The following IQSEC1 variants were observed in gnomAD, a reference collection of about 807,000 sequenced individuals.
IQSEC1 encodes IQ motif and SEC7 domain-containing protein 1.
Under a neutral mutation model 91.0 loss-of-function variants are expected in IQSEC1, and 31 were observed. The ratio of observed to expected loss-of-function variants is 0.34; its 90% CI spans 0.26 to 0.46. The LOEUF is 0.46. Ranked by LOEUF, IQSEC1 falls within the 20% of genes least tolerant of loss-of-function variation. The pLI is 1.00. For synonymous variants in IQSEC1, 699 were observed against 662.6 expected, an observed-to-expected ratio of 1.05 and a Z score of -0.84; for missense variants, 1,388 against 1,575.6, an observed-to-expected ratio of 0.88 and a Z score of 2.02.
At chr3:12,912,006 G>C (rs1695607517) in intron 9 of IQSEC1, among the ~76,000 whole-genome samples, 3 of 152,256 alleles carry the variant, frequency 2.0e-5, no homozygotes, top group South Asian at 2.1e-4. Context: ...CTCACAGCCA[G>C]GTGAGGTGTA....
chr3:13,259,261 T>C lies in IQSEC1; in HGVS notation c.272+23450A>G, dbSNP rs964990171. Among the ~76,000 whole-genome samples the C allele has an allele frequency of 3.3e-5, 5 of 152,148 alleles. No individual in the cohort carries two copies. The highest frequency in any genetic ancestry group is 1.2e-4 in the African/African-American group (5 of 41,436). On this transcript the variant is annotated intron_variant, in intron 1 of 15. Coordinates refer to the IQSEC1 transcript ENST00000648114. This position sits in a 1 kb window ranked among gnomAD's most constrained non-coding sequence, Gnocchi z 4.6. ...ACAAGAGGAAGTGCTCTGTAAATAG[T>C]TGATGGGTGTTCTAATGAATGAAGA... is the stretch of plus-strand genomic sequence containing the variant.
At chr3:13,165,943 C>T (rs1359170486) in intron 1 of IQSEC1, among the ~76,000 whole-genome samples, 1 of 152,192 alleles carries the variant, frequency 6.6e-6, no homozygotes, top group Non-Finnish European at 1.5e-5. Context: ...TCCTTTCTCG[C>T]TGTCCATGGC....
At chr3:13,110,857 G>A (rs1706233701) in intron 2 of IQSEC1, among the ~76,000 whole-genome samples, 1 of 152,158 alleles carries the variant, frequency 6.6e-6, no homozygotes, top group East Asian at 1.9e-4. Flanking sequence ...AAGGGCCGAA[G>A]TAAATGAACC....
intron 6 of IQSEC1, among the ~76,000 whole-genome samples, chr3:12,918,059 G>C (rs891852386): frequency 2.6e-5 from 4 of 152,320 alleles, no homozygotes; most frequent in Non-Finnish European, 5.9e-5. Flanking sequence ...CACCAGGCTG[G>C]CTCCAGGAGT....
chr3:12,904,962 T>G (rs970117983), intron 12 of IQSEC1, among the ~76,000 whole-genome samples: 8 of 152,132 alleles, frequency 5.3e-5, no homozygotes, highest in African/African-American at 1.9e-4. Flanking sequence ...TGACGCTGAG[T>G]GTCTTACAAT....
chr3:12,998,047 A>G (rs1233690476), intron 1 of IQSEC1, among the ~76,000 whole-genome samples: 1 of 151,598 alleles, frequency 6.6e-6, no homozygotes, highest in Non-Finnish European at 1.5e-5. Flanking sequence ...GCAGCCATCA[A>G]AAAGAATGTG....
At chr3:13,091,078 G>A (rs1168947160) in intron 2 of IQSEC1, among the ~76,000 whole-genome samples, 2 of 152,102 alleles carry the variant, frequency 1.3e-5, no homozygotes, top group Admixed American at 1.3e-4. Flanking sequence ...CGGTTTCTAC[G>A]GCCTTCTCCC....
chr3:12,925,124 C>T (rs1696997587), intron 3 of IQSEC1, among the ~76,000 whole-genome samples: 2 of 152,168 alleles, frequency 1.3e-5, no homozygotes, highest in African/African-American at 2.4e-5. Flanking sequence ...AGCCCCTTCT[C>T]GGCTGCCGGG....
intron 1 of IQSEC1, among the ~76,000 whole-genome samples, chr3:13,019,121 G>C (rs1398585066): frequency 1.3e-5 from 2 of 152,246 alleles, no homozygotes; most frequent in Non-Finnish European, 2.9e-5. Context: ...TTAGCAACTT[G>C]CCCGAGGGCT....
intron 1 of IQSEC1, among the ~76,000 whole-genome samples, chr3:12,969,039 G>A (rs773730442): frequency 6.6e-5 from 10 of 152,062 alleles, no homozygotes; most frequent in Admixed American, 2.6e-4. Flanking sequence ...CCTGGGTTCC[G>A]AGGCAAGAGG....
intron 2 of IQSEC1, among the ~76,000 whole-genome samples, chr3:13,142,119 A>G (rs1706809741): frequency 1.3e-5 from 2 of 152,182 alleles, no homozygotes; most frequent in Non-Finnish European, 2.9e-5. Flanking sequence ...CATCCCCTCC[A>G]TGGGTGCCTT....
chr3:13,117,566 T>G (rs1481105922), intron 2 of IQSEC1, among the ~76,000 whole-genome samples: 2 of 41,010 alleles, frequency 4.9e-5, no homozygotes, highest in Non-Finnish European at 7.4e-5. Context: ...CAAGACTCCG[T>G]CTCAAAAAAA....
At chr3:12,976,588 C>T (rs1701185947) in intron 1 of IQSEC1, among the ~76,000 whole-genome samples, 1 of 152,190 alleles carries the variant, frequency 6.6e-6, no homozygotes. Flanking sequence ...TCACTTCTTC[C>T]TCGGGACCTT....
At chr3:13,227,393 A>AGAAAG (rs1553576760) in intron 1 of IQSEC1, among the ~76,000 whole-genome samples, 8 of 140,896 alleles carry the variant, frequency 5.7e-5, no homozygotes, top group South Asian at 2.1e-4. Context: ...AAAAAAAAAA[A>AGAAAG]AAAGAAAGAA....
At position 13,158,645 on chromosome 3, in the gene IQSEC1, G is replaced by T. The variant is rs941751007; in HGVS notation, c.302+5459C>A. On this transcript the variant is annotated intron_variant, in intron 2 of 15. Transcript: ENST00000648114. Reference sequence around the variant, plus strand: ...AGTCAACGTTCAGAGTCCTGACGGGGAGGCGACCTACATGGGACCACCTCA... The same window carrying T: ...AGTCAACGTTCAGAGTCCTGACGGGTAGGCGACCTACATGGGACCACCTCA... Among the ~76,000 whole-genome samples, 5 of 152,176 alleles carry T rather than the reference G, an allele frequency of 3.3e-5. No homozygotes were observed. The South Asian group carries it at 1.0e-3, about 32-fold the overall frequency.
At chr3:13,199,635 G>T (rs1205706761) in intron 1 of IQSEC1, among the ~76,000 whole-genome samples, 1 of 152,118 alleles carries the variant, frequency 6.6e-6, no homozygotes, top group African/African-American at 2.4e-5. Context: ...CAGGTCCTGT[G>T]CAGCGACTGG....
intron 2 of IQSEC1, among the ~76,000 whole-genome samples, chr3:13,118,966 G>A (rs776388012): frequency 1.1e-4 from 16 of 151,992 alleles, no homozygotes; most frequent in East Asian, 1.9e-4. Context: ...CCAGCTACTT[G>A]GGAAGCTGAG....
rs745889366 is a variant in IQSEC1 at position 12,935,504 on chromosome 3, A to G, written c.1512T>C (p.Phe504=). The G allele has an allele frequency of 6.2e-7, 1 of 1,613,888 alleles. No individual in the cohort carries two copies. The highest frequency in any genetic ancestry group is 1.1e-5 in the South Asian group (1 of 91,078). The change falls in exon 3 of 14, where the codon TTT becomes TTC. Residue 504 remains phenylalanine, a synonymous_variant. Transcript: ENST00000613206. This position sits in a 1 kb window ranked among gnomAD's most constrained non-coding sequence, Gnocchi z 8.0. ...GCCTCTTGCGGATGACATCGTTGCT[A>G]AAGGCAGGCGAGTCCCAGCTGTTGC... The part of the protein sequence containing the change: ...EARNSWDSPA[F]SNDVIRKRHY...
intron 1 of IQSEC1, among the ~76,000 whole-genome samples, chr3:13,281,385 G>A (rs560694144): frequency 6.6e-6 from 1 of 152,120 alleles, no homozygotes; most frequent in Non-Finnish European, 1.5e-5. Context: ...CCAGTTAGGA[G>A]CTATACACAC....
Sources: gnomAD v4.1 joint callset for allele counts (sites outside exome capture counted in the v4.1 genomes callset) on GRCh38, gnomAD v4.1.1 for gene constraint, Gnocchi (gnomAD v3.1) non-coding constraint, MANE v1.5 for transcripts, NCBI Gene and HGNC (gene_info 2026-07-23, HGNC 2026-07-21) for gene names.